NAP1L2: variants seen among roughly 807,000 people sequenced by gnomAD.
The protein encoded by NAP1L2 is nucleosome assembly protein 1 like 2.
For synonymous variants in NAP1L2, 165 were observed against 126.0 expected (o/e 1.31, Z -2.07); for missense variants, 376 against 338.5 (o/e 1.11, Z -0.87).
Position 73,213,646 on chromosome X carries a change from G to A in NAP1L2, c.847C>T (p.Leu283Phe), listed in dbSNP as rs776814057. The A allele has an allele frequency of 6.6e-6, 8 of 1,210,927 alleles. No homozygotes were observed. The highest frequency in any genetic ancestry group is 8.9e-6 in the Non-Finnish European group (8 of 895,289). Reference protein sequence around the residue: ...KVKLSDPGEPLSFTLEFHFKP... With the variant: ...KVKLSDPGEPFSFTLEFHFKP... Reference sequence around the variant, plus strand: ...AAGTGAAATTCTAGTGTGAAACTGAGGGGCTCGCCAGGATCTGAAAGCTTA... The same window carrying A: ...AAGTGAAATTCTAGTGTGAAACTGAAGGGCTCGCCAGGATCTGAAAGCTTA... Residue 283 changes from leucine (L) to phenylalanine (F), a missense_variant, in exon 1 of 1, where the codon CTC (leucine) becomes TTC (phenylalanine). By Grantham distance (22) the Leu-to-Phe change is conservative (BLOSUM62 0). Transcript: ENST00000373517.
At position 73,214,705 on chromosome X, in the gene NAP1L2, G is replaced by C. The variant is rs957214099; in HGVS notation, c.-213C>G. The C allele has an allele frequency of 4.8e-6, 2 of 416,181 alleles. No homozygotes were observed. The highest frequency in any genetic ancestry group is 8.4e-6 in the Non-Finnish European group (2 of 239,397). 34.3% of individuals were successfully genotyped at this position (416,181 alleles called of 1,213,427 possible). A position where few individuals can be genotyped will look rare whatever the true frequency, so the allele number is the denominator to read the frequency against. ...CTGAAGCAGTGGCGACCTGGGCTGG[G>C]TGCAGAGGGCGGCGACGGCTGCGTT... is the stretch of plus-strand genomic sequence containing the variant. On this transcript the variant is annotated 5_prime_UTR_variant, in exon 1 of 1. Transcript: ENST00000373517.
Position 73,214,316 on chromosome X carries a change from C to T in NAP1L2, c.177G>A (p.Gly59=), listed in dbSNP as rs747976071. 1 of 1,211,057 alleles carries T rather than the reference C, an allele frequency of 8.3e-7. No homozygotes were observed. Among genetic ancestry groups the T allele is most frequent in the Admixed American group, 2.2e-5 (1 of 45,898 alleles). Residue 59 remains glycine (G), a synonymous_variant, in exon 1 of 1, where the codon GGG becomes GGA. Transcript: ENST00000373517. The stretch of plus-strand genomic sequence containing the variant: ...CAGCAGCAGTATCTTCACCGTTTTC[C>T]CCTTCTTCCCCAAGCCCAGCGGCAG... The part of the protein sequence containing the change: ...EEAAAGLGEE[G]ENGEDTAAGS...
In NAP1L2 at chrX:73,214,012, G is replaced by A. The variant is rs2056145040; in HGVS notation, c.481C>T (p.Pro161Ser). The A allele has an allele frequency of 1.7e-6, 2 of 1,208,945 alleles. No individual in the cohort carries two copies. The highest frequency in any genetic ancestry group is 1.8e-5 in the African/African-American group (1 of 56,857). ...TTATATTCACATTCCTCTTCTGTAG[G>A]TTCATAGATTGCATTGATGATCTGA... ...RRQIINAIYE[P>S]TEEECEYKSD... Residue 161 changes from proline to serine, a missense_variant, in exon 1 of 1, where the codon CCT (proline) becomes TCT (serine). Physicochemically the swap from Pro to Ser is moderately conservative, Grantham distance 74. Transcript: ENST00000373517.
chrX:73,214,506 G>C lies in NAP1L2; in HGVS notation c.-14C>G. On this transcript the variant is annotated 5_prime_UTR_variant, in exon 1 of 1. Transcript: ENST00000373517. Reference sequence around the variant, plus strand: ...TGACTCGGCCATTTTTCAAAGGACCGTACACGCCTAAGGTGGCTACCACAG... The same window carrying C: ...TGACTCGGCCATTTTTCAAAGGACCCTACACGCCTAAGGTGGCTACCACAG... 1 of 1,199,158 alleles carries C rather than the reference G, an allele frequency of 8.3e-7. No individual in the cohort carries two copies. Among genetic ancestry groups the C allele is most frequent in the East Asian group, 3.0e-5 (1 of 33,698 alleles).
chrX:73,214,832 T>A lies in NAP1L2; in HGVS notation c.-340A>T, dbSNP rs1157070816. ...GCAAGAAAAAAACGGTGCCGCAGTA[T>A]GATTACGCAGCTATCACTTGCCTAA... On this transcript the variant is annotated 5_prime_UTR_variant, in exon 1 of 1. Transcript: ENST00000373517. 1 of 188,471 alleles carries A rather than the reference T, an allele frequency of 5.3e-6. No homozygotes were observed. Among genetic ancestry groups the A allele is most frequent in the Admixed American group, 6.9e-5 (1 of 14,428 alleles). 15.5% of individuals were successfully genotyped at this position (188,471 alleles called of 1,213,427 possible).
chrX:73,214,038 C>A lies in NAP1L2; in HGVS notation c.455G>T (p.Arg152Leu). The change falls in exon 1 of 1, where the codon CGT becomes CTT. Residue 152 changes from arginine (R) to leucine (L), a missense_variant. Physicochemically the swap from Arg to Leu is moderately radical, Grantham distance 102. Coordinates refer to ENST00000373517, the MANE Select transcript of NAP1L2 (RefSeq NM_021963.4). ...EMYQPLLEKR[R>L]QIINAIYEPT... ...TTCATAGATTGCATTGATGATCTGA[C>A]GTCTTTTTTCCAGTAAGGGTTGGTA... 1.7e-6 allele frequency: 2 copies of A among 1,210,889 alleles called. No homozygotes were observed. Among genetic ancestry groups the A allele is most frequent in the Non-Finnish European group, 2.2e-6 (2 of 895,191 alleles).
Position 73,212,804 on chromosome X carries a change from G to T in NAP1L2, c.*306C>A. 1 of 205,473 alleles carries T rather than the reference G, an allele frequency of 4.9e-6. No homozygotes were observed. The highest frequency in any genetic ancestry group is 8.8e-6 in the Non-Finnish European group (1 of 113,413). 16.9% of individuals were successfully genotyped at this position (205,473 alleles called of 1,213,427 possible). ...AAGATTTTTTTTCCAAACAAATATT[G>T]ATCTCACTTAGCATTTCTGATCATT... On this transcript the variant is annotated 3_prime_UTR_variant, in exon 1 of 1. Transcript: ENST00000373517.
At position 73,213,969 on chromosome X, in the gene NAP1L2, C is replaced by T. The variant is rs761743290; in HGVS notation, c.524G>A (p.Cys175Tyr). The change falls in exon 1 of 1, where the codon TGT becomes TAT. Residue 175 changes from cysteine to tyrosine, a missense_variant. Physicochemically the swap from Cys to Tyr is radical, Grantham distance 194 (BLOSUM62 -2). Coordinates refer to ENST00000373517, the MANE Select transcript of NAP1L2 (RefSeq NM_021963.4). ...TTCATGACACATTTCCTCATCATCA[C>T]AGTCCTCAGAGTCTGATTTATATTC... is the stretch of plus-strand genomic sequence containing the variant. ...ECEYKSDSED[C>Y]DDEEMCHEEM... is the part of the protein sequence containing the mutation. 27 of 1,209,171 alleles carry T rather than the reference C, an allele frequency of 2.2e-5. No homozygotes were observed. In the South Asian group the frequency reaches 4.6e-4, roughly 21 times the overall value.
chrX:73,214,363 C>A lies in NAP1L2; in HGVS notation c.130G>T (p.Asp44Tyr), dbSNP rs1286297665. 2.5e-6 allele frequency: 3 copies of A among 1,208,655 alleles called. No individual in the cohort carries two copies. In the African/African-American group the frequency reaches 5.3e-5, roughly 21 times the overall value. ...GCAGCTTCTTCACCGCACTTCCCAT[C>A]GTCTCCAAGCCCAGCAGCGGCATCT... ...GEDAAAGLGD[D>Y]GKCGEEAAAG... Residue 44 changes from aspartate (D) to tyrosine (Y), a missense_variant, in exon 1 of 1, where the codon GAT (aspartate) becomes TAT (tyrosine). Physicochemically the swap from Asp to Tyr is radical, Grantham distance 160 (BLOSUM62 -3). Coordinates refer to ENST00000373517, the MANE Select transcript of NAP1L2 (RefSeq NM_021963.4).
rs995794964 is a variant in NAP1L2 at position 73,214,165 on chromosome X, A to G, written c.328T>C (p.Tyr110His). Residue 110 changes from tyrosine to histidine, a missense_variant, in exon 1 of 1, where the codon TAC becomes CAC. Transcript: ENST00000373517. ...AGCTTTTTAAGGGCTAACACACGGT[A>G]CTTAACTTTCACAGGTAGACTTTCA... ...FVESLPVKVKYRVLALKKLQT... is the reference protein window; with the variant it reads ...FVESLPVKVKHRVLALKKLQT... 3.3e-6 allele frequency: 4 copies of G among 1,209,612 alleles called. No homozygotes were observed. In the African/African-American group the frequency reaches 5.3e-5, roughly 16 times the overall value.
At position 73,214,123 on chromosome X, in the gene NAP1L2, T is replaced by C. The variant is rs998229380; in HGVS notation, c.370A>G (p.Asn124Asp). The C allele has an allele frequency of 5.6e-5, 68 of 1,209,536 alleles. No homozygotes were observed. The highest frequency in any genetic ancestry group is 7.5e-5 in the Non-Finnish European group (67 of 895,226). ...ALKKLQTRAA[N>D]LESKFLREFH... ...TCCCTCAGGAATTTGGATTCTAAAT[T>C]GGCCGCTCTAGTTTGAAGCTTTTTA... Residue 124 changes from asparagine (N) to aspartate (D), a missense_variant, in exon 1 of 1, where the codon AAT becomes GAT. By Grantham distance (23) the Asn-to-Asp change is conservative. Coordinates refer to ENST00000373517, the MANE Select transcript of NAP1L2 (RefSeq NM_021963.4).
Position 73,214,665 on chromosome X carries a change from G to C in NAP1L2, c.-173C>G. 1 of 536,253 alleles carries C rather than the reference G, an allele frequency of 1.9e-6. No individual in the cohort carries two copies. The highest frequency in any genetic ancestry group is 3.0e-6 in the Non-Finnish European group (1 of 335,694). The allele number at this position is 536,253 out of a possible 1,213,427, so 44.2% of individuals were successfully genotyped here. On this transcript the variant is annotated 5_prime_UTR_variant, in exon 1 of 1. Transcript: ENST00000373517. ...CTCGGGGATAAAAGATGGTGCTGAG[G>C]CTTTGAGAACCGGACTGAAGCAGTG...
rs1603302722 is a variant in NAP1L2, at chrX:73,213,923, C to G, written c.570G>C (p.Glu190Asp). ...CATCCACATATTCATGTACCATACC[C>G]TCCTCATTACCATACATCTCTTCAT... is the stretch of plus-strand genomic sequence containing the variant. ...MCHEEMYGNE[E>D]GMVHEYVDED... Residue 190 changes from glutamate to aspartate, a missense_variant, in exon 1 of 1, where the codon GAG (glutamate) becomes GAC (aspartate). Glu to Asp is a conservative substitution (Grantham distance 45). Coordinates refer to ENST00000373517, the MANE Select transcript of NAP1L2 (RefSeq NM_021963.4). 1 of 1,211,184 alleles carries G rather than the reference C, an allele frequency of 8.3e-7. No homozygotes were observed. Among genetic ancestry groups the G allele is most frequent in the Admixed American group, 2.2e-5 (1 of 45,925 alleles).
chrX:73,212,893 T>A lies in NAP1L2; in HGVS notation c.*217A>T. 1 of 376,110 alleles carries A rather than the reference T, an allele frequency of 2.7e-6. No individual in the cohort carries two copies. Among genetic ancestry groups the A allele is most frequent in the Non-Finnish European group, 4.6e-6 (1 of 218,688 alleles). The allele number at this position is 376,110 out of a possible 1,213,427, so 31.0% of individuals were successfully genotyped here. On this transcript the variant is annotated 3_prime_UTR_variant, in exon 1 of 1. Coordinates refer to ENST00000373517, the MANE Select transcript of NAP1L2 (RefSeq NM_021963.4). Reference sequence around the variant, plus strand: ...TCAGAAGGATTAAGCTACACAACACTATACTAGTGTTTTAAATCATTTACC... The same window carrying A: ...TCAGAAGGATTAAGCTACACAACACAATACTAGTGTTTTAAATCATTTACC...
At position 73,214,694 on chromosome X, in the gene NAP1L2, A is replaced by T; in HGVS notation, c.-202T>A. 1 of 442,182 alleles carries T rather than the reference A, an allele frequency of 2.3e-6. No individual in the cohort carries two copies. The highest frequency in any genetic ancestry group is 3.9e-6 in the Non-Finnish European group (1 of 258,171). The allele number at this position is 442,182 out of a possible 1,213,427, so 36.4% of individuals were successfully genotyped here. A position where few individuals can be genotyped will look rare whatever the true frequency, so the allele number is the denominator to read the frequency against. On this transcript the variant is annotated 5_prime_UTR_variant, in exon 1 of 1. Transcript: ENST00000373517. ...TGAGAACCGGACTGAAGCAGTGGCG[A>T]CCTGGGCTGGGTGCAGAGGGCGGCG...
Position 73,212,364 on chromosome X carries a change from C to A in NAP1L2, c.*746G>T, listed in dbSNP as rs1189311221. 3.6e-5 allele frequency: 4 copies of A among 111,513 alleles called. No individual in the cohort carries two copies. The highest frequency in any genetic ancestry group is 7.5e-5 in the Non-Finnish European group (4 of 53,039). The allele number at this position is 111,513 out of a possible 1,213,427, so 9.2% of individuals were successfully genotyped here. ...TTTGCAGTGAAAGAACACGAAATAT[C>A]TTTTCAAAATGGTAAAGTGATCACT... On this transcript the variant is annotated 3_prime_UTR_variant, in exon 1 of 1. Coordinates refer to ENST00000373517, the MANE Select transcript of NAP1L2 (RefSeq NM_021963.4).
rs770575349 is a variant in NAP1L2 at position 73,213,741 on chromosome X, A to G, written c.752T>C (p.Val251Ala). The change falls in exon 1 of 1, where the codon GTT (valine) becomes GCT (alanine). Residue 251 changes from valine to alanine, a missense_variant. Physicochemically the swap from Val to Ala is moderately conservative, Grantham distance 64 (BLOSUM62 0). Transcript: ENST00000373517. ...PDFWLTVLKN[V>A]DTLTPLIKKY... ...CTTAATCAAAGGAGTGAGTGTATCA[A>G]CGTTTTTTAAAACAGTTAGCCAAAA... is the stretch of plus-strand genomic sequence containing the variant. 4 of 1,209,642 alleles carry G rather than the reference A, an allele frequency of 3.3e-6. No individual in the cohort carries two copies. In the East Asian group the frequency reaches 1.2e-4, roughly 36 times the overall value.
Position 73,214,310 on chromosome X carries a change from G to A in NAP1L2, c.183C>T (p.Asn61=), listed in dbSNP as rs1369509623. Reference sequence around the variant, plus strand: ...CGGACCCAGCAGCAGTATCTTCACCGTTTTCCCCTTCTTCCCCAAGCCCAG... The same window carrying A: ...CGGACCCAGCAGCAGTATCTTCACCATTTTCCCCTTCTTCCCCAAGCCCAG... The part of the protein sequence containing the change: ...AAAGLGEEGE[N]GEDTAAGSGE... Residue 61 remains asparagine (N), a synonymous_variant, in exon 1 of 1, where the codon AAC becomes AAT. Coordinates refer to ENST00000373517, the MANE Select transcript of NAP1L2 (RefSeq NM_021963.4). 8 of 1,208,313 alleles carry A rather than the reference G, an allele frequency of 6.6e-6. No individual in the cohort carries two copies. The highest frequency in any genetic ancestry group is 8.9e-6 in the Non-Finnish European group (8 of 894,885).
rs1299023905 is a variant in NAP1L2 at position 73,213,827 on chromosome X, G to C, written c.666C>G (p.Asp222Glu). ...TCTCTTCTCCAGTAGCCTCAATGTC[G>C]TCCTCCTCCTCCTCCTCCTCCTCCT... Reference protein sequence around the residue: ...VEEEEEEEEEDDIEATGEENK... With the variant: ...VEEEEEEEEEEDIEATGEENK... The change falls in exon 1 of 1, where the codon GAC (aspartate) becomes GAG (glutamate). Residue 222 changes from aspartate (D) to glutamate (E), a missense_variant. Physicochemically the swap from Asp to Glu is conservative, Grantham distance 45. Transcript: ENST00000373517. 8.3e-6 allele frequency: 10 copies of C among 1,200,541 alleles called. No homozygotes were observed. Among genetic ancestry groups the C allele is most frequent in the East Asian group, 6.0e-5 (2 of 33,466 alleles).
Sources: allele counts gnomAD v4.1 joint callset, GRCh38; gene constraint gnomAD v4.1.1; transcripts MANE v1.5; gene names NCBI Gene and HGNC (gene_info 2026-07-23, HGNC 2026-07-21).